Variants in CHRNA9 observed in about 807,000 individuals in gnomAD.
CHRNA9 encodes cholinergic receptor nicotinic alpha 9 subunit.
A neutral mutation model predicts 36.8 loss-of-function variants in CHRNA9; 24 were observed. The observed-to-expected ratio is 0.65, with a 90% confidence interval of 0.47 to 0.92. CHRNA9 has a LOEUF of 0.92. Among genes scored for constraint, CHRNA9 ranks in the 40% least tolerant of loss-of-function variants. The pLI is 0.00. For synonymous variants in CHRNA9, 231 were observed against 231.8 expected, an observed-to-expected ratio of 1.00 and a Z score of 0.03; for missense variants, 610 against 601.2, an observed-to-expected ratio of 1.01 and a Z score of -0.15.
intron 3 of CHRNA9, 92 bp downstream of exon 3, chr4:40,337,456 C>A: frequency 2.9e-6 from 4 of 1,385,962 alleles, no homozygotes; most frequent in Non-Finnish European, 3.9e-6. Flanking sequence ...TTAAAACATG[C>A]ATGAAATTAA....
At chr4:40,351,603 G>A (rs1267118309) in intron 4 of CHRNA9, among the ~76,000 whole-genome samples, 1 of 152,150 alleles carries the variant, frequency 6.6e-6, no homozygotes, top group Non-Finnish European at 1.5e-5. Context: ...TAAGTTTTCT[G>A]CATCAAATGT....
intron 1 of CHRNA9, 101 bp downstream of exon 1, chr4:40,335,632 G>GCACAGAACACTTC: frequency 1.9e-6 from 2 of 1,059,482 alleles, no homozygotes; most frequent in Non-Finnish European, 2.9e-6. Flanking sequence ...TGATTCAACC[G>GCACAGAACACTTC]CATGGAAGTG....
Position 40,354,047 on chromosome 4 carries a change from A to G in CHRNA9, c.967A>G (p.Ile323Val). Residue 323 changes from isoleucine to valine, a missense_variant, in exon 5 of 5, where the codon ATC (isoleucine) becomes GTC (valine). Ile to Val is a conservative substitution (Grantham distance 29). Transcript: ENST00000310169. ...STALTIMVMN[I>V]HFCGAEARPV... ...TGCGTTGACCATCATGGTGATGAAT[A>G]TCCACTTCTGTGGGGCCGAGGCCCG... 1 of 1,614,230 alleles carries G rather than the reference A, an allele frequency of 6.2e-7. No homozygotes were observed.
At chr4:40,336,723 G>T (rs567664038) in intron 2 of CHRNA9, among the ~76,000 whole-genome samples, 40 of 151,962 alleles carry the variant, frequency 2.6e-4, no homozygotes, top group Admixed American at 5.9e-4. Flanking sequence ...CTCATGATTC[G>T]CCCGCCTCGG....
At chr4:40,349,497 C>A in intron 4 of CHRNA9, 83 bp downstream of exon 4, 1 of 1,381,928 alleles carries the variant, frequency 7.2e-7, no homozygotes, top group Non-Finnish European at 9.9e-7. Context: ...TGCCTTTAAA[C>A]TTGAAAAAAT....
chr4:40,336,547 G>T (rs1200889777), intron 2 of CHRNA9, among the ~76,000 whole-genome samples: 1 of 152,000 alleles, frequency 6.6e-6, no homozygotes, highest in Non-Finnish European at 1.5e-5. Flanking sequence ...CATGATCTCC[G>T]CTCACTGTAA....
chr4:40,344,493 C>G (rs926508382), intron 3 of CHRNA9, among the ~76,000 whole-genome samples: 1 of 150,674 alleles, frequency 6.6e-6, no homozygotes, highest in South Asian at 2.1e-4. Flanking sequence ...AAGATGGCAC[C>G]ACTGCACCCC....
At chr4:40,342,878 G>A (rs4861305) in intron 3 of CHRNA9, among the ~76,000 whole-genome samples, 29,114 of 152,004 alleles carry the variant, frequency 0.19, 3,096 homozygotes, top group Middle Eastern at 0.26. Flanking sequence ...CCTGAAGGAG[G>A]CATGGGAGGA....
intron 3 of CHRNA9, among the ~76,000 whole-genome samples, chr4:40,345,788 G>T (rs1041679841): frequency 3.3e-5 from 5 of 152,178 alleles, no homozygotes; most frequent in Non-Finnish European, 7.3e-5. Flanking sequence ...ACTCTGGGAG[G>T]CTGAGGCGGG....
rs765169729 is a variant in CHRNA9, at chr4:40,354,138, A to G, written c.1058A>G (p.Asp353Gly). 8.7e-6 allele frequency: 14 copies of G among 1,614,022 alleles called. No homozygotes were observed. In the African/African-American group the frequency reaches 1.6e-4, roughly 18 times the overall value. Residue 353 changes from aspartate (D) to glycine (G), a missense_variant, in exon 5 of 5, where the codon GAT (aspartate) becomes GGT (glycine). Asp to Gly is a moderately conservative substitution (Grantham distance 94). Transcript: ENST00000310169. ...ATGTCCAGGGTCTTGTTTGTCTATG[A>G]TGTGGGTGAAAGCTGCCTCAGCCCG... ...KYMSRVLFVY[D>G]VGESCLSPHH...
chr4:40,354,618 G>C lies in CHRNA9; in HGVS notation c.*98G>C. ...AGATTTTTGTTCATCTATAATTTAGGGGTTATGTTGTCTGTGCTTTTTATT... is the reference window on the plus strand; with the variant it reads ...AGATTTTTGTTCATCTATAATTTAGCGGTTATGTTGTCTGTGCTTTTTATT... On this transcript the variant is annotated 3_prime_UTR_variant, in exon 5 of 5. Coordinates refer to ENST00000310169, the MANE Select transcript of CHRNA9 (RefSeq NM_017581.4). 1 of 997,602 alleles carries C rather than the reference G, an allele frequency of 1.0e-6. No individual in the cohort carries two copies. The allele number at this position is 997,602 out of a possible 1,614,324, so 61.8% of individuals were successfully genotyped here.
rs1712288135 is a variant in CHRNA9 at position 40,335,466 on chromosome 4, A to G, written c.-2A>G. ...ACTTTATTATAGAGGCTCAGGAAAAAGATGAACTGGTCCCATTCCTGCATC... is the reference window on the plus strand; with the variant it reads ...ACTTTATTATAGAGGCTCAGGAAAAGGATGAACTGGTCCCATTCCTGCATC... On this transcript the variant is annotated 5_prime_UTR_variant, in exon 1 of 5. Transcript: ENST00000310169. 2 of 1,611,582 alleles carry G rather than the reference A, an allele frequency of 1.2e-6. 1 individual carries two copies. The highest frequency in any genetic ancestry group is 2.7e-5 in the African/African-American group (2 of 75,008).
chr4:40,349,119 G>A lies in CHRNA9; in HGVS notation c.603G>A (p.Val201=). The part of the protein sequence containing the change: ...SGDLSDFIED[V]EWEVHGMPAV... ...ATCTCTCTGACTTCATTGAAGATGT[G>A]GAATGGGAGGTCCATGGCATGCCCG... The change falls in exon 4 of 5, where the codon GTG becomes GTA. Residue 201 remains valine (V), a synonymous_variant. Coordinates refer to ENST00000310169, the MANE Select transcript of CHRNA9 (RefSeq NM_017581.4). 1.9e-6 allele frequency: 3 copies of A among 1,614,168 alleles called. No homozygotes were observed. Among genetic ancestry groups the A allele is most frequent in the Non-Finnish European group, 2.5e-6 (3 of 1,180,034 alleles).
rs141669699 is a variant in CHRNA9, at chr4:40,346,098, C to T, written c.366-2784C>T. Among the ~76,000 whole-genome samples, 761 of 152,330 alleles carry T rather than the reference C, an allele frequency of 5.0e-3. 4 individuals carry two copies. Among genetic ancestry groups the T allele is most frequent in the African/African-American group, 0.017 (711 of 41,576 alleles). ...AAGCAGCTGGGGTGATGTTTTTGGTCAGCAGGTTCCCTTGCCCTTTGGCTT... is the reference window on the plus strand; with the variant it reads ...AAGCAGCTGGGGTGATGTTTTTGGTTAGCAGGTTCCCTTGCCCTTTGGCTT... On this transcript the variant is annotated intron_variant, in intron 3 of 4. Coordinates refer to ENST00000310169, the MANE Select transcript of CHRNA9 (RefSeq NM_017581.4).
intron 3 of CHRNA9, among the ~76,000 whole-genome samples, chr4:40,348,354 T>C (rs1272338921): frequency 6.6e-6 from 1 of 152,196 alleles, no homozygotes; most frequent in African/African-American, 2.4e-5. Flanking sequence ...CAAAAGAAGA[T>C]ATATCTGGAA....
At chr4:40,351,589 T>C (rs1202931774) in intron 4 of CHRNA9, among the ~76,000 whole-genome samples, 1 of 152,226 alleles carries the variant, frequency 6.6e-6, no homozygotes, top group Non-Finnish European at 1.5e-5. Flanking sequence ...TATAGAAATA[T>C]GTTTAAGTTT....
chr4:40,342,316 G>A (rs1337556874), intron 3 of CHRNA9, among the ~76,000 whole-genome samples: 1 of 152,198 alleles, frequency 6.6e-6, no homozygotes, highest in Non-Finnish European at 1.5e-5. Flanking sequence ...CATCCTCATG[G>A]AAATGTCCAA....
At position 40,354,459 on chromosome 4, in the gene CHRNA9, T is replaced by G. The variant is rs764950252; in HGVS notation, c.1379T>G (p.Met460Arg). The change falls in exon 5 of 5, where the codon ATG becomes AGG. Residue 460 changes from methionine to arginine, a missense_variant. Transcript: ENST00000310169. Reference protein sequence around the residue: ...KVAKVIDRFFMWIFFIMVFVM... With the variant: ...KVAKVIDRFFRWIFFIMVFVM... ...GCGAAAGTCATAGACCGATTCTTCA[T>G]GTGGATTTTTTTCATTATGGTGTTT... 6 of 1,613,998 alleles carry G rather than the reference T, an allele frequency of 3.7e-6. No individual in the cohort carries two copies. Among genetic ancestry groups the G allele is most frequent in the Non-Finnish European group, 2.5e-6 (3 of 1,179,974 alleles).
chr4:40,340,502 A>G (rs1237848522), intron 3 of CHRNA9, among the ~76,000 whole-genome samples: 1 of 152,144 alleles, frequency 6.6e-6, no homozygotes, highest in African/African-American at 2.4e-5. Flanking sequence ...AGTCATGGCT[A>G]TTTCCCTGAG....
Sources: gnomAD v4.1 joint callset for allele counts (sites outside exome capture counted in the v4.1 genomes callset) on GRCh38, gnomAD v4.1.1 for gene constraint, MANE v1.5 for transcripts, NCBI Gene and HGNC (gene_info 2026-07-23, HGNC 2026-07-21) for gene names.